The following GPHN variants were observed in gnomAD, a reference collection of about 807,000 sequenced individuals.
The protein encoded by GPHN is gephyrin.
GPHN carries 17 observed loss-of-function variants against 95.5 expected under a neutral mutation model. The ratio of observed to expected loss-of-function variants is 0.18; its 90% CI spans 0.12 to 0.27. The LOEUF is 0.27. GPHN is among the 10% of genes least tolerant of loss of function. GPHN has a pLI of 1.00. For synonymous variants in GPHN, 320 were observed against 322.5 expected, an observed-to-expected ratio of 0.99 and a Z score of 0.08; for missense variants, 660 against 978.1, an observed-to-expected ratio of 0.67 and a Z score of 4.34.
the GPHN span, among the ~76,000 whole-genome samples, chr14:67,542,784 T>G: frequency 4.6e-5 from 7 of 152,168 alleles, no homozygotes; most frequent in African/African-American, 1.7e-4. Context: ...CGCCACAATC[T>G]CCGCCTCCTG....
At chr14:67,368,759 G>A in the GPHN span, among the ~76,000 whole-genome samples, 3 of 152,290 alleles carry the variant, frequency 2.0e-5, no homozygotes, top group South Asian at 4.1e-4. Flanking sequence ...GCAGTGGTCT[G>A]TGCTTGTAGT....
Position 66,982,816 on chromosome 14 carries a change from G to A in GPHN, c.963+17491G>A, listed in dbSNP as rs190696159. ...TACAGTTTAACCTCTCTTAGCTACT[G>A]ATAGTGTTTTGCCTTTAGAAAAGTA... On this transcript the variant is annotated intron_variant, in intron 9 of 22. Coordinates refer to ENST00000478722, the MANE Select transcript of GPHN (RefSeq NM_020806.5). 3.3e-3 allele frequency among the ~76,000 whole-genome samples: 506 copies of A among 152,212 alleles called. 3 individuals carry two copies. Among genetic ancestry groups the A allele is most frequent in the African/African-American group, 0.011 (472 of 41,544 alleles).
At chr14:67,651,337 C>T in the GPHN span, 2 of 1,611,600 alleles carry the variant, frequency 1.2e-6, no homozygotes, top group Non-Finnish European at 1.7e-6. Context: ...TAACATCATG[C>T]ATTCACAAGG....
chr14:66,547,732 GACA>G, intron 1 of GPHN, among the ~76,000 whole-genome samples: 1 of 152,150 alleles, frequency 6.6e-6, no homozygotes, highest in East Asian at 1.9e-4. Context: ...AAGGAAACAG[GACA>G]ACAACAACAA....
At chr14:66,534,587 T>C (rs1178435703) in intron 1 of GPHN, among the ~76,000 whole-genome samples, 2 of 152,314 alleles carry the variant, frequency 1.3e-5, no homozygotes, top group East Asian at 1.9e-4. Context: ...TTTATGAATA[T>C]ATTGTTTCAT....
rs200672958 is a variant in GPHN at position 67,047,336 on chromosome 14, G to T, written c.1007-11313G>T. On this transcript the variant is annotated intron_variant, in intron 10 of 22. Coordinates refer to ENST00000478722, the MANE Select transcript of GPHN (RefSeq NM_020806.5). Reference sequence around the variant, plus strand: ...ATTTATTTTGTGTGTGTGTGTGTTTGTGTGTGTGTGTGTGTGTGTGTGTGT... The same window carrying T: ...ATTTATTTTGTGTGTGTGTGTGTTTTTGTGTGTGTGTGTGTGTGTGTGTGT... Among the ~76,000 whole-genome samples, 285 of 102,588 alleles carry T rather than the reference G, an allele frequency of 2.8e-3. 1 individual carries two copies. The highest frequency in any genetic ancestry group is 0.016 in the East Asian group (34 of 2,144). The allele number at this position is 102,588 out of a possible 152,430, so 67.3% of individuals were successfully genotyped here. A position where few individuals can be genotyped will look rare whatever the true frequency, so the allele number is the denominator to read the frequency against.
chr14:67,574,512 C>A, the GPHN span: 1 of 860,136 alleles, frequency 1.2e-6, no homozygotes, highest in Non-Finnish European at 1.7e-6. This position sits in a 1 kb window ranked among gnomAD's most constrained non-coding sequence, Gnocchi z 4.2. Context: ...GCTCCTTTCT[C>A]TGGGAGCCTC....
At chr14:67,044,955 T>G (rs2074926769) in intron 10 of GPHN, among the ~76,000 whole-genome samples, 1 of 152,106 alleles carries the variant, frequency 6.6e-6, no homozygotes, top group Admixed American at 6.6e-5. Flanking sequence ...ATTCTTAACT[T>G]TAGAAACCCC....
Position 67,058,416 on chromosome 14 carries a change from T to A in GPHN, c.1007-233T>A, listed in dbSNP as rs186630871. Among the ~76,000 whole-genome samples, 624 of 152,324 alleles carry A rather than the reference T, an allele frequency of 4.1e-3. 1 individual carries two copies. The highest frequency in any genetic ancestry group is 5.1e-3 in the Non-Finnish European group (348 of 68,032). ...TTTGGGGTAGTGCCTTTAAGTCAGT[T>A]CATTGAACATGTCTGGAGCAGCCAC... On this transcript the variant is annotated intron_variant, in intron 10 of 22. Coordinates refer to ENST00000478722, the MANE Select transcript of GPHN (RefSeq NM_020806.5).
chr14:67,016,049 A>T (rs1025463529), intron 9 of GPHN, among the ~76,000 whole-genome samples: 4 of 152,196 alleles, frequency 2.6e-5, no homozygotes, highest in South Asian at 2.1e-4. Flanking sequence ...TAATTTTCTT[A>T]AAAAAAGGAC....
chr14:66,908,672 C>T (rs1326693142), intron 5 of GPHN, among the ~76,000 whole-genome samples: 1 of 151,888 alleles, frequency 6.6e-6, no homozygotes, highest in African/African-American at 2.4e-5. Context: ...TGACAAATAC[C>T]TCAGCTAAGA....
intron 4 of GPHN, among the ~76,000 whole-genome samples, chr14:66,873,653 C>T (rs1262433545): frequency 2.0e-5 from 3 of 152,156 alleles, no homozygotes; most frequent in Admixed American, 6.5e-5. Context: ...GCTGGAAGTT[C>T]GGACTGGACA....
chr14:66,698,660 C>T, intron 2 of GPHN, among the ~76,000 whole-genome samples: 1 of 152,192 alleles, frequency 6.6e-6, no homozygotes, highest in East Asian at 1.9e-4. Flanking sequence ...GGTGGTTTCA[C>T]TGTACAACAG....
At chr14:67,188,926 A>G in the GPHN span, among the ~76,000 whole-genome samples, 12 of 151,846 alleles carry the variant, frequency 7.9e-5, no homozygotes, top group Admixed American at 2.0e-4. Flanking sequence ...CTTGGGCTCA[A>G]ACAATCCTCC....
chr14:67,035,562 G>C (rs1158609382), intron 10 of GPHN, among the ~76,000 whole-genome samples: 1 of 151,662 alleles, frequency 6.6e-6, no homozygotes, highest in African/African-American at 2.4e-5. Flanking sequence ...CTGATGCTTC[G>C]GAAATAGAGA....
chr14:67,665,291 C>A, the GPHN span, among the ~76,000 whole-genome samples: 1 of 139,414 alleles, frequency 7.2e-6, no homozygotes, highest in Non-Finnish European at 1.5e-5. Context: ...GACAGTCTCA[C>A]TCAGGCTGGA....
chr14:66,894,857 A>G (rs1280114960), intron 5 of GPHN, among the ~76,000 whole-genome samples: 1 of 152,234 alleles, frequency 6.6e-6, no homozygotes, highest in Non-Finnish European at 1.5e-5. Flanking sequence ...GTCAGGAAAC[A>G]ACAGGTGCTG....
the GPHN span, chr14:67,241,939 T>C: frequency 5.3e-5 from 8 of 152,320 alleles, no homozygotes; most frequent in Non-Finnish European, 1.2e-4. Flanking sequence ...CGCTTTCCTT[T>C]AGAAGTCAGA....
downstream of GPHN, among the ~76,000 whole-genome samples, chr14:67,184,299 T>C (rs1428712720): frequency 2.6e-5 from 4 of 152,226 alleles, no homozygotes; most frequent in African/African-American, 7.2e-5. Flanking sequence ...ATAAAACCAT[T>C]AGAGATTCTT....
Sources: allele counts gnomAD v4.1 joint callset (sites outside exome capture counted in the v4.1 genomes callset), GRCh38; gene constraint gnomAD v4.1.1; non-coding constraint Gnocchi (gnomAD v3.1); transcripts MANE v1.5; gene names NCBI Gene and HGNC (gene_info 2026-07-23, HGNC 2026-07-21).